NEBL: variants seen among roughly 807,000 people sequenced by gnomAD.
NEBL encodes nebulette.
In NEBL, 122 loss-of-function variants were observed where a neutral mutation model predicts 140.2. That is an observed-to-expected ratio of 0.87 (90% CI 0.75 to 1.01). NEBL has a LOEUF of 1.01. Ranked by LOEUF, NEBL falls within the 50% of genes least tolerant of loss-of-function variation. NEBL has a pLI of 0.00. For missense variants in NEBL, 1,365 were observed against 1,231.3 expected (o/e 1.11, Z -1.62); for synonymous variants, 436 against 398.9 (o/e 1.09, Z -1.11).
intron 4 of NEBL, among the ~76,000 whole-genome samples, chr10:20,909,897 A>G (rs1848260408): frequency 6.6e-6 from 1 of 152,210 alleles, no homozygotes; most frequent in Non-Finnish European, 1.5e-5. Context: ...TGCAGGAAAA[A>G]AAAAGTGTTT....
intron 1 of NEBL, among the ~76,000 whole-genome samples, chr10:21,285,906 G>A (rs763363377): frequency 1.6e-4 from 24 of 152,220 alleles, no homozygotes; most frequent in Admixed American, 1.3e-4. Context: ...CCCACACCCT[G>A]TGAGAGTTAA....
At chr10:21,060,951 T>C (rs1589189861) in intron 2 of NEBL, among the ~76,000 whole-genome samples, 1 of 152,292 alleles carries the variant, frequency 6.6e-6, no homozygotes, top group African/African-American at 2.4e-5. Flanking sequence ...CTGTCAGCCT[T>C]ACTGGCTATT....
rs1841182198 is a variant in NEBL, at chr10:21,173,606, C to G, written c.69+159G>C. 6.6e-6 allele frequency among the ~76,000 whole-genome samples: 1 copy of G among 152,188 alleles called. No homozygotes were observed. The highest frequency in any genetic ancestry group is 2.1e-4 in the South Asian group (1 of 4,830). ...ATCGCCAAGCGTGGTCTCTGACACT[C>G]CCGCTGGCGTCTTCGTTCGCGCGCC... On this transcript the variant is annotated intron_variant, in intron 1 of 6. Transcript: ENST00000417816. This position sits in a 1 kb window ranked among gnomAD's most constrained non-coding sequence, Gnocchi z 5.7.
intron 2 of NEBL, among the ~76,000 whole-genome samples, chr10:21,109,892 C>A (rs1025352505): frequency 1.3e-5 from 2 of 152,092 alleles, no homozygotes; most frequent in Admixed American, 1.3e-4. Context: ...ATTCTTCTCT[C>A]TTATCTTCTT....
intron 2 of NEBL, among the ~76,000 whole-genome samples, chr10:21,162,764 G>A (rs1840607093): frequency 6.6e-6 from 1 of 152,098 alleles, no homozygotes; most frequent in African/African-American, 2.4e-5. Context: ...TACAATGGAT[G>A]GACAAAGAAA....
upstream of NEBL, among the ~76,000 whole-genome samples, chr10:20,897,851 G>C (rs1253788371): frequency 1.3e-5 from 2 of 152,206 alleles, no homozygotes; most frequent in South Asian, 4.1e-4. Flanking sequence ...CCACTTCAAA[G>C]AATCTATTCT....
At chr10:21,072,335 G>A (rs1052276848) in intron 2 of NEBL, among the ~76,000 whole-genome samples, 19 of 152,244 alleles carry the variant, frequency 1.2e-4, no homozygotes, top group African/African-American at 4.3e-4. Context: ...AAGCCAGCAC[G>A]TGCTTATCTC....
At chr10:20,803,417 T>G (rs1837310573) in intron 26 of NEBL, among the ~76,000 whole-genome samples, 1 of 151,998 alleles carries the variant, frequency 6.6e-6, no homozygotes, top group African/African-American at 2.4e-5. Flanking sequence ...AAAAGAAAAA[T>G]CAATCCTTAA....
chr10:20,879,481 A>G (rs1845817281), intron 5 of NEBL, among the ~76,000 whole-genome samples: 2 of 152,212 alleles, frequency 1.3e-5, no homozygotes, highest in African/African-American at 2.4e-5. Context: ...TGCTTTTGGC[A>G]TATGTTTGTA....
At chr10:21,086,714 T>C (rs1347053586) in intron 2 of NEBL, among the ~76,000 whole-genome samples, 1 of 151,876 alleles carries the variant, frequency 6.6e-6, no homozygotes, top group African/African-American at 2.4e-5. Context: ...GAGGTGGAGG[T>C]TGCAGTGAGC....
At chr10:20,806,896 A>G (rs1837662715) in intron 26 of NEBL, among the ~76,000 whole-genome samples, 1 of 152,344 alleles carries the variant, frequency 6.6e-6, no homozygotes, top group African/African-American at 2.4e-5. Context: ...ACTGAGTAAC[A>G]TTAAATAAGG....
chr10:21,028,254 A>AGAAGAAGAAGACGAAGAAGAAGAAGAAG (rs1554819369), intron 2 of NEBL, among the ~76,000 whole-genome samples: 1 of 70,332 alleles, frequency 1.4e-5, no homozygotes, highest in Non-Finnish European at 2.7e-5. Flanking sequence ...AAAAAAAAAA[A>AGAAGAAGAAGACGAAGAAGAAGAAGAAG]AAGAAGAAGA....
At chr10:21,130,480 C>T (rs1233289516) in intron 2 of NEBL, among the ~76,000 whole-genome samples, 1 of 152,086 alleles carries the variant, frequency 6.6e-6, no homozygotes, top group Non-Finnish European at 1.5e-5. Flanking sequence ...GAGACATTCA[C>T]CAAGACAGAC....
At chr10:20,956,935 C>T (rs944323777) in intron 4 of NEBL, among the ~76,000 whole-genome samples, 2 of 152,282 alleles carry the variant, frequency 1.3e-5, no homozygotes, top group Non-Finnish European at 2.9e-5. Flanking sequence ...TAACAAATTT[C>T]GCCTTTGGGG....
intron 3 of NEBL, among the ~76,000 whole-genome samples, chr10:20,978,223 G>T (rs1010845484): frequency 6.6e-6 from 1 of 152,040 alleles, no homozygotes; most frequent in Non-Finnish European, 1.5e-5. Context: ...ACACTTCCCT[G>T]GTCTGAGACC....
Position 20,812,476 on chromosome 10 carries a change from C to G in NEBL, c.2518+293G>C, listed in dbSNP as rs1030598901. 5.5e-5 allele frequency among the ~76,000 whole-genome samples: 8 copies of G among 144,518 alleles called. No homozygotes were observed. The East Asian group carries it at 1.7e-3, about 31-fold the overall frequency. The allele number at this position is 144,518 out of a possible 152,430, so 94.8% of individuals were successfully genotyped here. A position where few individuals can be genotyped will look rare whatever the true frequency, so the allele number is the denominator to read the frequency against. Reference sequence around the variant, plus strand: ...CTAATGCTATCCCTCCCCCCTCCCCCCACCTCACAACAGGCCCTGGTGTGT... The same window carrying G: ...CTAATGCTATCCCTCCCCCCTCCCCGCACCTCACAACAGGCCCTGGTGTGT... On this transcript the variant is annotated intron_variant, in intron 24 of 27. Coordinates refer to ENST00000377122, the MANE Select transcript of NEBL (RefSeq NM_006393.3).
chr10:20,972,991 A>G (rs943403879), intron 3 of NEBL, among the ~76,000 whole-genome samples: 2 of 152,156 alleles, frequency 1.3e-5, no homozygotes, highest in African/African-American at 4.8e-5. Flanking sequence ...TCCATAAGAA[A>G]GAAACTATTA....
At chr10:21,260,098 G>A (rs529799289) in intron 1 of NEBL, among the ~76,000 whole-genome samples, 4 of 152,174 alleles carry the variant, frequency 2.6e-5, no homozygotes, top group Non-Finnish European at 4.4e-5. Context: ...AAATCAATAC[G>A]TTTCCAGATT....
intron 4 of NEBL, among the ~76,000 whole-genome samples, chr10:20,940,576 A>G (rs1219671182): frequency 1.4e-5 from 2 of 143,100 alleles, no homozygotes; most frequent in African/African-American, 5.3e-5. Context: ...GGCAAGAAAT[A>G]ACTAAGATCA....
Sources: gnomAD v4.1 joint callset for allele counts (sites outside exome capture counted in the v4.1 genomes callset) on GRCh38, gnomAD v4.1.1 for gene constraint, Gnocchi (gnomAD v3.1) non-coding constraint, MANE v1.5 for transcripts, NCBI Gene and HGNC (gene_info 2026-07-23, HGNC 2026-07-21) for gene names.